CCNT2: variants seen among roughly 807,000 people sequenced by gnomAD.
CCNT2 encodes the protein cyclin T2.
CCNT2 carries 18 observed loss-of-function variants against 70.0 expected under a neutral mutation model. That is an observed-to-expected ratio of 0.26 (90% CI 0.18 to 0.38). The LOEUF (loss-of-function observed/expected upper bound fraction) is 0.38. Among genes scored for constraint, CCNT2 ranks in the 10% least tolerant of loss-of-function variants. The pLI, the probability that CCNT2 is intolerant of heterozygous loss-of-function variation, is 1.00. For synonymous variants in CCNT2, 334 were observed against 313.3 expected (o/e 1.07, Z -0.70); for missense variants, 734 against 890.2 (o/e 0.82, Z 2.23).
intron 2 of CCNT2, among the ~76,000 whole-genome samples, chr2:134,923,117 C>T (rs1306272221): frequency 6.6e-6 from 1 of 152,056 alleles, no homozygotes; most frequent in East Asian, 1.9e-4. Flanking sequence ...CCCATCTCTA[C>T]TAAAAATATA....
chr2:134,924,719 G>A lies in CCNT2; in HGVS notation c.240+4828G>A, dbSNP rs143865281. On this transcript the variant is annotated intron_variant, in intron 2 of 8. Transcript: ENST00000264157. ...CCACCTCGACCTCCCAAAGTGCTGG[G>A]ATTACAGGCGTTAGCCACCTCGCCC... Among the ~76,000 whole-genome samples, 386 of 152,206 alleles carry A rather than the reference G, an allele frequency of 2.5e-3. 1 individual carries two copies. Among genetic ancestry groups the A allele is most frequent in the African/African-American group, 8.8e-3 (365 of 41,518 alleles).
At chr2:134,921,589 G>T (rs531320130) in intron 2 of CCNT2, among the ~76,000 whole-genome samples, 1 of 152,134 alleles carries the variant, frequency 6.6e-6, no homozygotes, top group Non-Finnish European at 1.5e-5. Context: ...CCTGACCTCA[G>T]GTGATCCGTC....
At chr2:134,922,441 A>G (rs1228226160) in intron 2 of CCNT2, among the ~76,000 whole-genome samples, 1 of 152,234 alleles carries the variant, frequency 6.6e-6, no homozygotes, top group Non-Finnish European at 1.5e-5. Flanking sequence ...GAATAAAATC[A>G]GTATCAGCAT....
intron 2 of CCNT2, among the ~76,000 whole-genome samples, chr2:134,928,293 T>TTTTTTTTTTTTTTTTTTTTTC (rs1680452985): frequency 6.8e-6 from 1 of 147,872 alleles, no homozygotes; most frequent in East Asian, 2.0e-4. Context: ...TTTTTTTTTT[T>TTTTTTTTTTTTTTTTTTTTTC]CTGAGACGGA....
rs1330553680 is a variant in CCNT2, at chr2:134,919,020, T to C, written c.158+8T>C. ...GGGACAGCGTCTCAATGTGTATCCT[T>C]TTCTGTTCGCCGCCGCTCACGCCCT... is the stretch of plus-strand genomic sequence containing the variant. On this transcript the variant is annotated splice_region_variant and intron_variant, in intron 1 of 8. Transcript: ENST00000264157. 2 of 1,592,866 alleles carry C rather than the reference T, an allele frequency of 1.3e-6. No homozygotes were observed. Among genetic ancestry groups the C allele is most frequent in the Non-Finnish European group, 1.7e-6 (2 of 1,167,866 alleles).
Position 134,924,758 on chromosome 2 carries a change from T to G in CCNT2, c.240+4867T>G, listed in dbSNP as rs149020420. On this transcript the variant is annotated intron_variant, in intron 2 of 8. Transcript: ENST00000264157. Reference sequence around the variant, plus strand: ...GCCACCTCGCCCGGCCCCAGTATTCTTACTCTAATCACTTTCTTTATAGTT... The same window carrying G: ...GCCACCTCGCCCGGCCCCAGTATTCGTACTCTAATCACTTTCTTTATAGTT... 1.1e-3 allele frequency among the ~76,000 whole-genome samples: 170 copies of G among 152,266 alleles called. 4 individuals carry two copies. The Middle Eastern group carries it at 0.041, about 37-fold the overall frequency.
Position 134,959,278 on chromosome 2 carries a change from T to C in CCNT2, c.*4630T>C, listed in dbSNP as rs547549140. Reference sequence around the variant, plus strand: ...AGGAATATGTGTATATGGCATGAATTAGTCATTGACTTTAAGCTTCTTATC... The same window carrying C: ...AGGAATATGTGTATATGGCATGAATCAGTCATTGACTTTAAGCTTCTTATC... On this transcript the variant is annotated 3_prime_UTR_variant, in exon 9 of 9. Transcript: ENST00000264157. 2.0e-5 allele frequency: 3 copies of C among 152,384 alleles called. No homozygotes were observed. The highest frequency in any genetic ancestry group is 6.5e-5 in the Admixed American group (1 of 15,312). 9.4% of individuals were successfully genotyped at this position (152,384 alleles called of 1,614,324 possible).
chr2:134,958,400 C>T lies in CCNT2; in HGVS notation c.*3752C>T, dbSNP rs190472437. ...TCTTGAAGGGAGACAGTAGGATTCACTGACTACCTTTACCCAGATGAGGGA... is the reference window on the plus strand; with the variant it reads ...TCTTGAAGGGAGACAGTAGGATTCATTGACTACCTTTACCCAGATGAGGGA... On this transcript the variant is annotated 3_prime_UTR_variant, in exon 9 of 9. Coordinates refer to ENST00000264157, the MANE Select transcript of CCNT2 (RefSeq NM_058241.3). 9.7e-4 allele frequency: 147 copies of T among 152,326 alleles called. No individual in the cohort carries two copies. The highest frequency in any genetic ancestry group is 3.4e-3 in the African/African-American group (140 of 41,578). 9.4% of individuals were successfully genotyped at this position (152,326 alleles called of 1,614,324 possible).
In CCNT2 at chr2:134,954,279, T is replaced by C. The variant is rs749617555; in HGVS notation, c.1824T>C (p.Asp608=). Residue 608 remains aspartate, a synonymous_variant, in exon 9 of 9, where the codon GAT becomes GAC. Transcript: ENST00000264157. ...VLRSPVGLSS[D]GISSSSSSSR... is the part of the protein sequence containing the mutation. ...GGAGTCCTGTTGGCCTGAGCAGTGA[T>C]GGCATTTCCTCTAGCTCCAGCTCTT... The C allele has an allele frequency of 9.3e-6, 15 of 1,614,172 alleles. 1 individual carries two copies. In the Admixed American group the frequency reaches 1.3e-4, roughly 14 times the overall value.
intron 6 of CCNT2, 119 bp from the exon 7 acceptor site, chr2:134,947,617 A>T: frequency 1.7e-6 from 1 of 600,830 alleles, no homozygotes; most frequent in Non-Finnish European, 2.6e-6. Flanking sequence ...ATAAGGTTTT[A>T]TACTCTAGAC....
In CCNT2 at chr2:134,958,476, A is replaced by G. The variant is rs986077212; in HGVS notation, c.*3828A>G. On this transcript the variant is annotated 3_prime_UTR_variant, in exon 9 of 9. Coordinates refer to ENST00000264157, the MANE Select transcript of CCNT2 (RefSeq NM_058241.3). ...ATGAGTTGACAGGACAATAGGTGCT[A>G]ATCTCATGTGCCCTAAGATGGACTT... is the stretch of plus-strand genomic sequence containing the variant. 6.6e-6 allele frequency: 1 copy of G among 152,204 alleles called. No homozygotes were observed. The highest frequency in any genetic ancestry group is 1.5e-5 in the Non-Finnish European group (1 of 68,028). 9.4% of individuals were successfully genotyped at this position (152,204 alleles called of 1,614,324 possible).
chr2:134,943,696 C>T, intron 5 of CCNT2: 1 of 984,798 alleles, frequency 1.0e-6, no homozygotes, highest in Non-Finnish European at 1.2e-6. Flanking sequence ...CTGTTGTATC[C>T]CTAGAAATAT....
rs771791974 is a variant in CCNT2, at chr2:134,953,920, G to A, written c.1465G>A (p.Ala489Thr). 13 of 1,613,668 alleles carry A rather than the reference G, an allele frequency of 8.1e-6. No individual in the cohort carries two copies. The highest frequency in any genetic ancestry group is 1.3e-5 in the African/African-American group (1 of 74,826). ...TCCCATTAAAATGAAAATACCTATC[G>A]CAAATACTGAAAAATACATGGCAGA... ...TSPIKMKIPI[A>T]NTEKYMADKK... Residue 489 changes from alanine (A) to threonine (T), a missense_variant, in exon 9 of 9, where the codon GCA becomes ACA. This residue lies in a region of CCNT2 where 532 missense variants were observed against 556.9 expected (regional missense o/e 0.96). Transcript: ENST00000264157.
At chr2:134,929,456 A>T (rs887062188) in intron 2 of CCNT2, among the ~76,000 whole-genome samples, 19 of 151,624 alleles carry the variant, frequency 1.3e-4, no homozygotes, top group Non-Finnish European at 2.1e-4. Flanking sequence ...ATTTAAAAAA[A>T]AATTAGCCCG....
At chr2:134,950,619 A>T (rs1021673610) in intron 7 of CCNT2, among the ~76,000 whole-genome samples, 1 of 152,300 alleles carries the variant, frequency 6.6e-6, no homozygotes, top group East Asian at 1.9e-4. Flanking sequence ...CCTGGGCAAC[A>T]GAGGAAACCC....
At chr2:134,937,247 A>G (rs1398044677) in intron 3 of CCNT2, among the ~76,000 whole-genome samples, 1 of 152,204 alleles carries the variant, frequency 6.6e-6, no homozygotes, top group East Asian at 1.9e-4. Context: ...CAGAGTTATG[A>G]TATATGTAGA....
chr2:134,949,957 G>A (rs1203232424), intron 7 of CCNT2, among the ~76,000 whole-genome samples: 1 of 152,032 alleles, frequency 6.6e-6, no homozygotes, highest in Non-Finnish European at 1.5e-5. Flanking sequence ...ACCACGCCTG[G>A]CTAATTTTTG....
intron 2 of CCNT2, among the ~76,000 whole-genome samples, chr2:134,931,461 A>G (rs1162711162): frequency 6.6e-6 from 1 of 151,702 alleles, no homozygotes; most frequent in Non-Finnish European, 1.5e-5. Flanking sequence ...TGATTACTGT[A>G]GCTTTGTAAT....
chr2:134,932,163 T>G (rs1680826847), intron 2 of CCNT2, among the ~76,000 whole-genome samples: 1 of 140,370 alleles, frequency 7.1e-6, no homozygotes, highest in Non-Finnish European at 1.5e-5. Context: ...TTTTTTGTAT[T>G]TTAGTAGAGA....
Sources: gnomAD v4.1 joint callset for allele counts (sites outside exome capture counted in the v4.1 genomes callset) on GRCh38, gnomAD v4.1.1 for gene constraint, gnomAD v4.1.1 regional missense constraint, MANE v1.5 for transcripts, NCBI Gene and HGNC (gene_info 2026-07-23, HGNC 2026-07-21) for gene names.